TYW1B: variants seen among roughly 807,000 people sequenced by gnomAD.
TYW1B encodes tRNA-yW synthesizing protein 1 homolog B.
In TYW1B, 73 loss-of-function variants were observed where a neutral mutation model predicts 86.9. That is an observed-to-expected ratio of 0.84 (90% CI 0.70 to 1.02). The LOEUF (loss-of-function observed/expected upper bound fraction) is 1.02. Among genes scored for constraint, TYW1B ranks in the 50% least tolerant of loss-of-function variants. TYW1B has a pLI of 0.00. For missense variants in TYW1B, 637 were observed against 827.4 expected (o/e 0.77, Z 2.82); for synonymous variants, 248 against 292.8 (o/e 0.85, Z 1.56).
rs1810984667 is a variant in TYW1B, at chr7:72,574,939, A to C, written c.*559T>G. On this transcript the variant is annotated 3_prime_UTR_variant, in exon 14 of 14. Transcript: ENST00000620995. Reference sequence around the variant, plus strand: ...TTTGGGAAGGGTTAGTAATAAACCAAAACTCAATCTATGCAGTATTTAAAA... The same window carrying C: ...TTTGGGAAGGGTTAGTAATAAACCACAACTCAATCTATGCAGTATTTAAAA... 2.0e-6 allele frequency: 2 copies of C among 986,868 alleles called. No individual in the cohort carries two copies. Among genetic ancestry groups the C allele is most frequent in the African/African-American group, 1.7e-5 (1 of 57,376 alleles). 61.1% of individuals were successfully genotyped at this position (986,868 alleles called of 1,614,324 possible). A position where few individuals can be genotyped will look rare whatever the true frequency, so the allele number is the denominator to read the frequency against.
In TYW1B at chr7:72,574,618, A is replaced by T; in HGVS notation, c.*880T>A. 1.0e-6 allele frequency: 1 copy of T among 985,466 alleles called. No homozygotes were observed. Among genetic ancestry groups the T allele is most frequent in the South Asian group, 4.7e-5 (1 of 21,286 alleles). The allele number at this position is 985,466 out of a possible 1,614,324, so 61.0% of individuals were successfully genotyped here. The stretch of plus-strand genomic sequence containing the variant: ...GAGTATTTATGATCTTTCCAACTTG[A>T]AAACACCTGAACCTTATAGAACAGA... On this transcript the variant is annotated 3_prime_UTR_variant, in exon 14 of 14. Coordinates refer to ENST00000620995, the MANE Select transcript of TYW1B (RefSeq NM_001145440.3).
Position 72,792,810 on chromosome 7 carries a change from T to C in TYW1B, c.846+9590A>G, listed in dbSNP as rs570602025. ...CATCTAATATGACAGGACCAGAAAG[T>C]TGTCATGTTAAAGCGAAAGAAAAGC... is the stretch of plus-strand genomic sequence containing the variant. On this transcript the variant is annotated intron_variant, in intron 6 of 13. Transcript: ENST00000620995. Among the ~76,000 whole-genome samples, 804 of 151,162 alleles carry C rather than the reference T, an allele frequency of 5.3e-3. 4 individuals are homozygous for C. Among genetic ancestry groups the C allele is most frequent in the Non-Finnish European group, 8.6e-3 (579 of 67,712 alleles).
intron 7 of TYW1B, among the ~76,000 whole-genome samples, chr7:72,747,477 A>C (rs1787416300): frequency 6.6e-6 from 1 of 152,226 alleles, no homozygotes; most frequent in South Asian, 2.1e-4. Context: ...TTTGTAAAAA[A>C]AACAGTTAAA....
At chr7:72,681,798 G>A (rs1813881313) in intron 11 of TYW1B, among the ~76,000 whole-genome samples, 1 of 151,158 alleles carries the variant, frequency 6.6e-6, no homozygotes, top group African/African-American at 2.4e-5. Context: ...TGTTAGCCAG[G>A]ATGGTCTCGA....
intron 13 of TYW1B, among the ~76,000 whole-genome samples, chr7:72,602,833 AACACACACACACACACACACACAC>A (rs55709140): frequency 2.2e-4 from 28 of 128,114 alleles, no homozygotes; most frequent in South Asian, 1.1e-3. Context: ...AAGTGCTCAA[AACACACACACACACACACACACAC>A]ACACACACAC....
intron 11 of TYW1B, among the ~76,000 whole-genome samples, chr7:72,654,299 C>T (rs1421234356): frequency 6.6e-6 from 1 of 152,080 alleles, no homozygotes; most frequent in Non-Finnish European, 1.5e-5. Flanking sequence ...TCTATTACAG[C>T]TCTCTGGTCT....
intron 13 of TYW1B, among the ~76,000 whole-genome samples, chr7:72,581,792 C>A (rs1388822074): frequency 4.0e-5 from 6 of 151,756 alleles, no homozygotes; most frequent in Admixed American, 2.6e-4. Flanking sequence ...AGTGGCCAGG[C>A]GCAGACACTC....
intron 8 of TYW1B, among the ~76,000 whole-genome samples, chr7:72,731,036 G>A (rs1207482574): frequency 6.9e-6 from 1 of 145,270 alleles, no homozygotes; most frequent in African/African-American, 2.5e-5. Context: ...CACGTCACAT[G>A]TAAGGAAACC....
At chr7:72,643,447 C>G (rs547126926) in intron 11 of TYW1B, among the ~76,000 whole-genome samples, 29 of 151,860 alleles carry the variant, frequency 1.9e-4, no homozygotes, top group Non-Finnish European at 3.1e-4. Context: ...ATTAGCCAGG[C>G]ATGGTGTTGC....
chr7:72,657,673 G>A (rs145932315), intron 11 of TYW1B, among the ~76,000 whole-genome samples: 13,981 of 152,042 alleles, frequency 0.092, 436 homozygotes, highest in African/African-American at 0.1. Flanking sequence ...AGGAGAGAAT[G>A]GGATGATACA....
chr7:72,728,127 T>C (rs1385959456), intron 9 of TYW1B, among the ~76,000 whole-genome samples: 2 of 152,138 alleles, frequency 1.3e-5, no homozygotes, highest in African/African-American at 2.4e-5. Context: ...AAACCGTTTT[T>C]CCATCACTAA....
chr7:72,625,899 G>T (rs1480983677), intron 12 of TYW1B, among the ~76,000 whole-genome samples: 11 of 83,248 alleles, frequency 1.3e-4, no homozygotes, highest in Non-Finnish European at 2.4e-4. Context: ...GGTGGGGCGG[G>T]GGGGGGGGAA....
chr7:72,822,452 A>G (rs1345091473), intron 2 of TYW1B, among the ~76,000 whole-genome samples: 2 of 152,316 alleles, frequency 1.3e-5, no homozygotes, highest in East Asian at 3.9e-4. Flanking sequence ...TTCCCATAAA[A>G]TTTCCAGAAA....
At chr7:72,820,006 G>T (rs1215513867) in intron 2 of TYW1B, among the ~76,000 whole-genome samples, 4 of 152,130 alleles carry the variant, frequency 2.6e-5, no homozygotes, top group Non-Finnish European at 5.9e-5. Context: ...AGGGCATGGT[G>T]GCTCACATCT....
At chr7:72,645,030 T>G (rs1554441883) in intron 11 of TYW1B, among the ~76,000 whole-genome samples, 1 of 152,110 alleles carries the variant, frequency 6.6e-6, no homozygotes, top group African/African-American at 2.4e-5. Context: ...GGTTTCACCG[T>G]GTTAGCCAGG....
rs750342524 is a variant in TYW1B, at chr7:72,777,516, C to T, written c.864G>A (p.Gln288=). ...VKKEKREKEQ[Q]EEKSGLFRNM... is the part of the protein sequence containing the mutation. ...TCCTGAACAAACCAGACTTCTCTTC[C>T]TGCTGTTCCTTTTCTCTCTGCATTA... Residue 288 remains glutamine, a synonymous_variant, in exon 7 of 14, where the codon CAG becomes CAA. Coordinates refer to ENST00000620995, the MANE Select transcript of TYW1B (RefSeq NM_001145440.3). 58 of 1,613,686 alleles carry T rather than the reference C, an allele frequency of 3.6e-5. No individual in the cohort carries two copies. Among genetic ancestry groups the T allele is most frequent in the Middle Eastern group, 1.6e-4 (1 of 6,078 alleles).
At chr7:72,760,045 G>C (rs1787661410) in intron 7 of TYW1B, among the ~76,000 whole-genome samples, 1 of 152,030 alleles carries the variant, frequency 6.6e-6, no homozygotes, top group African/African-American at 2.4e-5. Flanking sequence ...GCACACAGAG[G>C]CAAAAAGAAA....
chr7:72,726,523 C>T (rs3015856), intron 9 of TYW1B, among the ~76,000 whole-genome samples: 104,468 of 151,678 alleles, frequency 0.69, 36,928 homozygotes, highest in Non-Finnish European at 0.77. Flanking sequence ...ACCACCATGC[C>T]TGGCTAATTT....
intron 3 of TYW1B, among the ~76,000 whole-genome samples, chr7:72,812,645 A>G (rs1788641976): frequency 6.6e-6 from 1 of 152,024 alleles, no homozygotes; most frequent in Non-Finnish European, 1.5e-5. Context: ...TTAACCACTA[A>G]GACAGGGCCG....
Sources: gnomAD v4.1 joint callset for allele counts (sites outside exome capture counted in the v4.1 genomes callset) on GRCh38, gnomAD v4.1.1 for gene constraint, MANE v1.5 for transcripts, NCBI Gene and HGNC (gene_info 2026-07-23, HGNC 2026-07-21) for gene names.